Variants in MYO1F observed in about 807,000 individuals in gnomAD.
MYO1F encodes the protein myosin IF, also known as unconventional myosin-If.
Under a neutral mutation model 146.6 loss-of-function variants are expected in MYO1F, and 60 were observed. The ratio of observed to expected loss-of-function variants is 0.41; its 90% CI spans 0.33 to 0.51. The LOEUF is 0.51. Ranked by LOEUF, MYO1F falls within the 20% of genes least tolerant of loss-of-function variation. MYO1F has a pLI of 0.25. For missense variants in MYO1F, 1,274 were observed against 1,534.3 expected (o/e 0.83, Z 2.83); for synonymous variants, 602 against 602.1 (o/e 1.00, Z 0.00).
At chr19:8,544,259 C>A in intron 14 of MYO1F, 38 bp downstream of exon 14, 3 of 1,607,092 alleles carry the variant, frequency 1.9e-6, no homozygotes, top group Non-Finnish European at 2.5e-6. Context: ...TGGGGGTCTG[C>A]GAGGAGGCAC....
At position 8,522,445 on chromosome 19, in the gene MYO1F, T is replaced by C. The variant is rs1972098521; in HGVS notation, c.3152A>G (p.Gln1051Arg). Residue 1051 changes from glutamine to arginine, a missense_variant, in exon 27 of 28, where the codon CAG (glutamine) becomes CGG (arginine). By Grantham distance (43) the Gln-to-Arg change is conservative. Around this residue, in one of 2 missense-constraint regions of MYO1F, gnomAD observed 374 missense variants for 379.2 expected, o/e 0.99. Coordinates refer to ENST00000644032, the MANE Select transcript of MYO1F (RefSeq NM_012335.4). Reference protein sequence around the residue: ...THGPRCRALYQYVGQDVDELS... With the variant: ...THGPRCRALYRYVGQDVDELS... ...CTCGTCCACATCTTGGCCCACGTAC[T>C]GGTATAGGGCCCGGCACCTGGGACC... The C allele has an allele frequency of 6.2e-7, 1 of 1,614,056 alleles. No individual in the cohort carries two copies. Among genetic ancestry groups the C allele is most frequent in the African/African-American group, 1.3e-5 (1 of 74,930 alleles).
intron 8 of MYO1F, 147 bp from the exon 9 acceptor site, chr19:8,550,841 C>T (rs1973574482): frequency 2.0e-6 from 2 of 1,007,370 alleles, no homozygotes; most frequent in African/African-American, 1.6e-5. Context: ...TGCCGCGTGA[C>T]CTTGGGTAAG....
intron 10 of MYO1F, chr19:8,549,932 C>T (rs1203605004): frequency 1.6e-6 from 1 of 607,158 alleles, no homozygotes; most frequent in Non-Finnish European, 2.9e-6. Flanking sequence ...CTCTGAGTAG[C>T]CAGAACTACA....
chr19:8,532,901 A>AAAATAT (rs1172873322), intron 19 of MYO1F, among the ~76,000 whole-genome samples: 547 of 47,838 alleles, frequency 0.011, 9 homozygotes, highest in African/African-American at 0.057. Flanking sequence ...AAAAAAAAAA[A>AAAATAT]ATACACACAC....
intron 1 of MYO1F, among the ~76,000 whole-genome samples, chr19:8,573,074 T>C (rs1311193800): frequency 6.6e-6 from 1 of 152,078 alleles, no homozygotes; most frequent in Non-Finnish European, 1.5e-5. Context: ...TTTGGGAGGC[T>C]GAGGCGGGCA....
In MYO1F at chr19:8,544,351, G is replaced by A. The variant is rs756591265; in HGVS notation, c.1470C>T (p.His490=). 1.1e-5 allele frequency: 18 copies of A among 1,613,134 alleles called. No individual in the cohort carries two copies. Among genetic ancestry groups the A allele is most frequent in the Middle Eastern group, 1.7e-4 (1 of 6,054 alleles). Residue 490 remains histidine, a synonymous_variant, in exon 14 of 28, where the codon CAC becomes CAT. Transcript: ENST00000644032. ...CGGCGCTCCAGCTGTTGAAATGCTC[G>A]TGGGTCCCCACAGCCGCCTGCAGCT... is the stretch of plus-strand genomic sequence containing the variant. The part of the protein sequence containing the change: ...LQKLQAAVGT[H]EHFNSWSAGF...
At chr19:8,562,292 C>T (rs1048591496) in intron 1 of MYO1F, among the ~76,000 whole-genome samples, 1 of 151,964 alleles carries the variant, frequency 6.6e-6, no homozygotes, top group Non-Finnish European at 1.5e-5. Context: ...TGAGCCACCG[C>T]ACCGGCCCTT....
intron 16 of MYO1F, among the ~76,000 whole-genome samples, chr19:8,538,140 A>T (rs189341272): frequency 0.014 from 2,151 of 148,564 alleles, 51 homozygotes; most frequent in African/African-American, 0.051. Flanking sequence ...TTATATATAT[A>T]TTTTTAGTAG....
chr19:8,549,870 A>G, intron 10 of MYO1F: 1 of 517,950 alleles, frequency 1.9e-6, no homozygotes, highest in Non-Finnish European at 3.5e-6. Flanking sequence ...GCGCAATCAT[A>G]GCTCACTGCA....
Position 8,541,937 on chromosome 19 carries a change from C to A in MYO1F, c.1579G>T (p.Asp527Tyr). Residue 527 changes from aspartate (D) to tyrosine (Y), a missense_variant, in exon 15 of 28, where the codon GAC (aspartate) becomes TAC (tyrosine). Transcript: ENST00000644032. ...CERNRDVLFS[D>Y]LIELMQTSEQ... is the part of the protein sequence containing the mutation. ...CTGGTCTGCATCAGCTCTATGAGGT[C>A]GGAGAAGAGAACGTCTCGGTTCCTC... The A allele has an allele frequency of 6.2e-7, 1 of 1,613,470 alleles. No homozygotes were observed. The highest frequency in any genetic ancestry group is 8.5e-7 in the Non-Finnish European group (1 of 1,179,980).
At chr19:8,567,929 C>A (rs957091841) in intron 1 of MYO1F, among the ~76,000 whole-genome samples, 2 of 152,254 alleles carry the variant, frequency 1.3e-5, no homozygotes, top group African/African-American at 2.4e-5. Context: ...CAGGCCACTT[C>A]CCCTCACTGG....
chr19:8,536,133 C>T (rs1383242090), intron 19 of MYO1F, 119 bp downstream of exon 19: 1 of 1,276,240 alleles, frequency 7.8e-7, no homozygotes, highest in African/African-American at 1.5e-5. Flanking sequence ...ATTTCTCAAT[C>T]TATCAGTCTT....
At chr19:8,557,201 C>A (rs1010555084) in intron 1 of MYO1F, among the ~76,000 whole-genome samples, 1 of 152,156 alleles carries the variant, frequency 6.6e-6, no homozygotes, top group African/African-American at 2.4e-5. Context: ...GGGAGGATCA[C>A]TTGAGCCCAG....
At chr19:8,537,958 ATTTTG>A (rs1055637804) in intron 16 of MYO1F, among the ~76,000 whole-genome samples, 4 of 150,664 alleles carry the variant, frequency 2.7e-5, no homozygotes, top group Non-Finnish European at 5.9e-5. Flanking sequence ...TGGGTTTTGC[ATTTTG>A]TTTTATTTTT....
In MYO1F at chr19:8,521,385, G is replaced by A; in HGVS notation, c.*143C>T. The A allele has an allele frequency of 1.2e-6, 1 of 851,700 alleles. No homozygotes were observed. 52.8% of individuals were successfully genotyped at this position (851,700 alleles called of 1,614,324 possible). ...GCAGTGACCTGGTGACCCAGGGCCT[G>A]GGCAGGACTGGAGGCCAAAGGACTG... On this transcript the variant is annotated 3_prime_UTR_variant, in exon 28 of 28. Transcript: ENST00000644032.
chr19:8,532,165 A>C (rs1238822986), intron 19 of MYO1F, among the ~76,000 whole-genome samples: 1 of 152,030 alleles, frequency 6.6e-6, no homozygotes, highest in East Asian at 1.9e-4. Context: ...CAAAAAAAAA[A>C]AGAAAGAAAA....
At position 8,564,902 on chromosome 19, in the gene MYO1F, A is replaced by T. The variant is rs1034167013; in HGVS notation, c.4-9106T>A. On this transcript the variant is annotated intron_variant, in intron 1 of 27. Coordinates refer to ENST00000644032, the MANE Select transcript of MYO1F (RefSeq NM_012335.4). ...ATTCTCCTGCCTCAGCCTCCCAAGTAACTGGAATTACAGGCGCCTGCCACC... is the reference window on the plus strand; with the variant it reads ...ATTCTCCTGCCTCAGCCTCCCAAGTTACTGGAATTACAGGCGCCTGCCACC... Among the ~76,000 whole-genome samples the T allele has an allele frequency of 3.3e-5, 5 of 151,794 alleles. No individual in the cohort carries two copies. In the East Asian group the frequency reaches 7.8e-4, roughly 24 times the overall value.
intron 1 of MYO1F, among the ~76,000 whole-genome samples, chr19:8,568,422 C>CAAAAAAAA (rs55833513): frequency 0.011 from 732 of 66,078 alleles, 43 homozygotes; most frequent in East Asian, 0.026. Context: ...GACTCCGTCT[C>CAAAAAAAA]AAAAAAAAAA....
chr19:8,529,005 C>G (rs1021478257), intron 21 of MYO1F, among the ~76,000 whole-genome samples: 3 of 152,068 alleles, frequency 2.0e-5, no homozygotes, highest in African/African-American at 7.2e-5. Context: ...ATACAGGTCA[C>G]CTGAGAGGGC....
Sources: allele counts gnomAD v4.1 joint callset (sites outside exome capture counted in the v4.1 genomes callset), GRCh38; gene constraint gnomAD v4.1.1; regional missense constraint gnomAD v4.1.1; transcripts MANE v1.5; gene names NCBI Gene and HGNC (gene_info 2026-07-23, HGNC 2026-07-21).